USP25: variants seen among roughly 807,000 people sequenced by gnomAD.
USP25 encodes ubiquitin carboxyl-terminal hydrolase 25.
In USP25, 85 loss-of-function variants were observed where a neutral mutation model predicts 158.5. The observed-to-expected ratio is 0.54, with a 90% confidence interval of 0.45 to 0.64. The LOEUF (loss-of-function observed/expected upper bound fraction) is 0.64. USP25 is among the 30% of genes least tolerant of loss of function. USP25 has a pLI of 0.00. For synonymous variants in USP25, 464 were observed against 460.4 expected (o/e 1.01, Z -0.10); for missense variants, 1,242 against 1,327.3 (o/e 0.94, Z 1.00).
chr21:15,802,718 A>G (rs767007612), intron 6 of USP25, among the ~76,000 whole-genome samples: 1 of 151,892 alleles, frequency 6.6e-6, no homozygotes, highest in Non-Finnish European at 1.5e-5. Context: ...AATGGTTTTC[A>G]ATTAATGATA....
At chr21:15,742,542 C>T (rs2032159043) in intron 1 of USP25, among the ~76,000 whole-genome samples, 1 of 152,102 alleles carries the variant, frequency 6.6e-6, no homozygotes, top group Admixed American at 6.5e-5. Context: ...TCGTGTGAGG[C>T]CTCTGGGCTG....
At position 15,760,801 on chromosome 21, in the gene USP25, G is replaced by T. The variant is rs528099723; in HGVS notation, c.46-2090G>T. ...TTTGATAGTAAGTTGCAGGCATCAT[G>T]CCCCTTTAGCACTTAAATTCTTCAG... On this transcript the variant is annotated intron_variant, in intron 1 of 25. Coordinates refer to ENST00000400183, the MANE Select transcript of USP25 (RefSeq NM_001283041.3). Among the ~76,000 whole-genome samples the T allele has an allele frequency of 5.3e-5, 8 of 152,150 alleles. No individual in the cohort carries two copies. In the South Asian group the frequency reaches 1.5e-3, roughly 28 times the overall value.
intron 10 of USP25, 112 bp from the exon 11 acceptor site, chr21:15,823,927 G>A (rs138543355): frequency 1.3e-5 from 14 of 1,063,604 alleles, no homozygotes; most frequent in South Asian, 8.3e-5. Flanking sequence ...TGTCAGGTCC[G>A]CATTGTGGTG....
At chr21:15,782,364 A>G (rs1445820272) in intron 4 of USP25, among the ~76,000 whole-genome samples, 1 of 152,140 alleles carries the variant, frequency 6.6e-6, no homozygotes, top group African/African-American at 2.4e-5. Flanking sequence ...CTTTAGTCCA[A>G]TAGCTGGTTT....
At chr21:15,869,512 C>T (rs1601186073) in intron 22 of USP25, among the ~76,000 whole-genome samples, 1 of 151,986 alleles carries the variant, frequency 6.6e-6, no homozygotes, top group East Asian at 1.9e-4. Flanking sequence ...TGGGGAGGGG[C>T]ATTGAAATGT....
chr21:15,762,892 A>G lies in USP25; in HGVS notation c.47A>G (p.His16Arg), dbSNP rs1318479915. 3 of 1,612,058 alleles carry G rather than the reference A, an allele frequency of 1.9e-6. No individual in the cohort carries two copies. Among genetic ancestry groups the G allele is most frequent in the Middle Eastern group, 1.6e-4 (1 of 6,072 alleles). ...NVLQQSAAQKHQQTFLNQLRE... is the reference protein window; with the variant it reads ...NVLQQSAAQKRQQTFLNQLRE... ...ATTTTGGGTTTTTCCTCCCTCTAGC[A>G]CCAGCAGACGTTTTTGAATCAACTG... The change falls in exon 2 of 26, where the codon CAC (histidine) becomes CGC (arginine). Residue 16 changes from histidine to arginine, a missense_variant and splice_region_variant. Coordinates refer to ENST00000400183, the MANE Select transcript of USP25 (RefSeq NM_001283041.3).
At chr21:15,736,278 A>G (rs2031508484) in intron 1 of USP25, among the ~76,000 whole-genome samples, 1 of 151,846 alleles carries the variant, frequency 6.6e-6, no homozygotes, top group Non-Finnish European at 1.5e-5. Flanking sequence ...TTGTAATTTT[A>G]CTAGAGAGAG....
chr21:15,853,792 C>T (rs1030987580), intron 20 of USP25, among the ~76,000 whole-genome samples: 4 of 149,800 alleles, frequency 2.7e-5, no homozygotes, highest in African/African-American at 4.9e-5. Context: ...GAGAGCTTTC[C>T]TGTTTTTTTT....
Position 15,766,223 on chromosome 21 carries a change from A to AGT in USP25, c.268+83_268+84insTG, listed in dbSNP as rs2034031920. ...TGGTGTAATATATTAATGTTGCTTA[A>AGT]GGAGAGGTAAAGAACCAAAAAAGAA... On this transcript the variant is annotated intron_variant, in intron 3 of 25. Transcript: ENST00000400183. The surrounding 1 kb of genome is among the most constrained non-coding windows in gnomAD (Gnocchi z 4.0). 1 of 1,353,874 alleles carries AGT rather than the reference A, an allele frequency of 7.4e-7. No homozygotes were observed. The highest frequency in any genetic ancestry group is 9.6e-7 in the Non-Finnish European group (1 of 1,036,878). 83.9% of individuals were successfully genotyped at this position (1,353,874 alleles called of 1,614,324 possible).
At chr21:15,768,155 A>G (rs1272037159) in intron 3 of USP25, among the ~76,000 whole-genome samples, 1 of 152,108 alleles carries the variant, frequency 6.6e-6, no homozygotes, top group African/African-American at 2.4e-5. Flanking sequence ...ATCTCAACCG[A>G]TTGTCATATT....
chr21:15,761,785 C>T (rs1030498681), intron 1 of USP25, among the ~76,000 whole-genome samples: 3 of 152,096 alleles, frequency 2.0e-5, no homozygotes, highest in African/African-American at 4.8e-5. Context: ...TCAAGTTGCC[C>T]GCTTGGCCCC....
At position 15,808,846 on chromosome 21, in the gene USP25, G is replaced by C; in HGVS notation, c.818G>C (p.Trp273Ser). 1.9e-6 allele frequency: 3 copies of C among 1,611,098 alleles called. No individual in the cohort carries two copies. Among genetic ancestry groups the C allele is most frequent in the Non-Finnish European group, 2.5e-6 (3 of 1,179,270 alleles). The change falls in exon 8 of 26, where the codon TGG becomes TCG. Residue 273 changes from tryptophan to serine, a missense_variant. This residue lies in a region of USP25 where 627 missense variants were observed against 701.4 expected (regional missense o/e 0.89). Coordinates refer to ENST00000400183, the MANE Select transcript of USP25 (RefSeq NM_001283041.3). The stretch of plus-strand genomic sequence containing the variant: ...GAGTTTACACACAAATTATTAGATT[G>C]GTTAGAAGATGCCTTCCAAATGAAA... ...VSEFTHKLLDWLEDAFQMKAE... is the reference protein window; with the variant it reads ...VSEFTHKLLDSLEDAFQMKAE...
intron 20 of USP25, among the ~76,000 whole-genome samples, chr21:15,864,029 T>C (rs1047766117): frequency 7.8e-5 from 11 of 141,748 alleles, no homozygotes; most frequent in African/African-American, 3.0e-4. Context: ...AGTGGGAGAC[T>C]TCTTTTTTTT....
chr21:15,787,894 AC>A (rs775959406), intron 4 of USP25, among the ~76,000 whole-genome samples: 24 of 107,578 alleles, frequency 2.2e-4, no homozygotes, highest in South Asian at 1.5e-3. Context: ...AAATAATAAC[AC>A]CCCCTCACCC....
At chr21:15,730,845 C>CA (rs1389766496) in intron 1 of USP25, among the ~76,000 whole-genome samples, 1 of 152,132 alleles carries the variant, frequency 6.6e-6, no homozygotes, top group African/African-American at 2.4e-5. Context: ...TGCTATTTTG[C>CA]AAAACGGTCT....
intron 3 of USP25, among the ~76,000 whole-genome samples, chr21:15,767,348 A>G (rs2034099572): frequency 6.6e-6 from 1 of 152,084 alleles, no homozygotes. Context: ...AGATTTAGCT[A>G]AAGAGCTGCT....
At chr21:15,808,546 T>TTGTGTGTGTGTGTG (rs35849786) in intron 7 of USP25, among the ~76,000 whole-genome samples, 14 of 148,380 alleles carry the variant, frequency 9.4e-5, no homozygotes, top group African/African-American at 3.2e-4. Flanking sequence ...TGGTTTTTGA[T>TTGTGTGTGTGTGTG]TGTGTGTGTG....
chr21:15,775,845 A>G (rs2034624905), intron 3 of USP25, among the ~76,000 whole-genome samples: 1 of 149,220 alleles, frequency 6.7e-6, no homozygotes, highest in African/African-American at 2.5e-5. Flanking sequence ...CTGCCAGTGA[A>G]TAAGGAAGAT....
chr21:15,740,478 C>G (rs1355156654), intron 1 of USP25, among the ~76,000 whole-genome samples: 1 of 151,996 alleles, frequency 6.6e-6, no homozygotes, highest in Non-Finnish European at 1.5e-5. Flanking sequence ...CTCCCTCAGG[C>G]TTTTCTGGCC....
Sources: gnomAD v4.1 joint callset for allele counts (sites outside exome capture counted in the v4.1 genomes callset) on GRCh38, gnomAD v4.1.1 for gene constraint, gnomAD v4.1.1 regional missense constraint, Gnocchi (gnomAD v3.1) non-coding constraint, MANE v1.5 for transcripts, NCBI Gene and HGNC (gene_info 2026-07-23, HGNC 2026-07-21) for gene names.